SCFD1: variants seen among roughly 807,000 people sequenced by gnomAD.
The protein encoded by SCFD1 is sec1 family domain containing 1.
Under a neutral mutation model 103.2 loss-of-function variants are expected in SCFD1, and 37 were observed. The ratio of observed to expected loss-of-function variants is 0.36; its 90% CI spans 0.28 to 0.47. The LOEUF is 0.47. Among genes scored for constraint, SCFD1 ranks in the 20% least tolerant of loss-of-function variants. The pLI is 1.00. For missense variants in SCFD1, 639 were observed against 761.2 expected (o/e 0.84, Z 1.89); for synonymous variants, 264 against 245.0 (o/e 1.08, Z -0.73).
intron 6 of SCFD1, among the ~76,000 whole-genome samples, chr14:30,641,936 A>G (rs1328487800): frequency 6.6e-6 from 1 of 152,220 alleles, no homozygotes; most frequent in Non-Finnish European, 1.5e-5. Context: ...TTATTGATGT[A>G]CTTCATCAGA....
intron 2 of SCFD1, among the ~76,000 whole-genome samples, chr14:30,629,376 A>G (rs1042716951): frequency 4.6e-5 from 7 of 152,146 alleles, no homozygotes; most frequent in African/African-American, 9.7e-5. Context: ...TTCTTACTCC[A>G]TAAATAATTA....
chr14:30,698,465 C>CT (rs1890849373), intron 15 of SCFD1, among the ~76,000 whole-genome samples: 1 of 152,132 alleles, frequency 6.6e-6, no homozygotes, highest in African/African-American at 2.4e-5. Flanking sequence ...GGGAGCTGTT[C>CT]TTTCTTTAAG....
intron 14 of SCFD1, among the ~76,000 whole-genome samples, chr14:30,675,567 T>C (rs1888961014): frequency 6.6e-6 from 1 of 152,252 alleles, no homozygotes; most frequent in African/African-American, 2.4e-5. Context: ...TATATTGTTA[T>C]AGTTCTTTTT....
At chr14:30,712,648 A>C (rs1484059550) in intron 19 of SCFD1, among the ~76,000 whole-genome samples, 1 of 152,232 alleles carries the variant, frequency 6.6e-6, no homozygotes, top group Non-Finnish European at 1.5e-5. Flanking sequence ...GGATTTTTGG[A>C]AATAGATTTC....
intron 17 of SCFD1, 89 bp downstream of exon 17, chr14:30,702,464 A>G (rs1172641132): frequency 1.3e-6 from 1 of 748,580 alleles, no homozygotes; most frequent in East Asian, 2.7e-5. Flanking sequence ...CTAATAAGAA[A>G]ACTGAACAAT....
At chr14:30,659,370 A>T (rs1003546933) in intron 10 of SCFD1, among the ~76,000 whole-genome samples, 1 of 152,154 alleles carries the variant, frequency 6.6e-6, no homozygotes, top group African/African-American at 2.4e-5. Flanking sequence ...AGTCTTATAT[A>T]TTTTACATTT....
chr14:30,681,438 T>C (rs1889473078), intron 14 of SCFD1, among the ~76,000 whole-genome samples: 1 of 152,004 alleles, frequency 6.6e-6, no homozygotes, highest in Admixed American at 6.6e-5. Flanking sequence ...TTTATATAGA[T>C]CATTTTAGTC....
upstream of SCFD1, chr14:30,622,274 G>A: frequency 6.3e-7 from 1 of 1,583,486 alleles, no homozygotes; most frequent in Middle Eastern, 1.7e-4. Context: ...TTCCGGGGCG[G>A]TAAGGGCAGC....
intron 18 of SCFD1, chr14:30,707,776 G>A: frequency 1.6e-6 from 1 of 606,502 alleles, no homozygotes; most frequent in Non-Finnish European, 3.1e-6. Flanking sequence ...TGACTAATCA[G>A]AGTATTTTAA....
chr14:30,673,822 A>G lies in SCFD1; in HGVS notation c.1087-102A>G, dbSNP rs1036075528. ...AGGTGACTTAAAAATCTTACGGTATATCAATAATCTTAGGATATTTGCTCC... is the reference window on the plus strand; with the variant it reads ...AGGTGACTTAAAAATCTTACGGTATGTCAATAATCTTAGGATATTTGCTCC... On this transcript the variant is annotated intron_variant, in intron 12 of 24. Coordinates refer to ENST00000458591, the MANE Select transcript of SCFD1 (RefSeq NM_016106.4). 35 of 796,898 alleles carry G rather than the reference A, an allele frequency of 4.4e-5. No individual in the cohort carries two copies. The African/African-American group carries it at 5.8e-4, about 13-fold the overall frequency. 49.4% of individuals were successfully genotyped at this position (796,898 alleles called of 1,614,324 possible). A position where few individuals can be genotyped will look rare whatever the true frequency, so the allele number is the denominator to read the frequency against.
At chr14:30,667,028 A>C (rs937786521) in intron 10 of SCFD1, among the ~76,000 whole-genome samples, 5 of 152,222 alleles carry the variant, frequency 3.3e-5, no homozygotes, top group Non-Finnish European at 7.3e-5. Flanking sequence ...CAATAGAAGA[A>C]GAGGGAATCC....
intron 8 of SCFD1, among the ~76,000 whole-genome samples, chr14:30,649,860 C>G (rs1055357170): frequency 6.6e-6 from 1 of 152,090 alleles, no homozygotes; most frequent in African/African-American, 2.4e-5. Flanking sequence ...AACCTTGTCT[C>G]TCCAAGCAGT....
At chr14:30,670,649 T>G (rs1012093255) in intron 11 of SCFD1, among the ~76,000 whole-genome samples, 1 of 152,054 alleles carries the variant, frequency 6.6e-6, no homozygotes, top group Non-Finnish European at 1.5e-5. Flanking sequence ...ACAGATAGTC[T>G]TTTTCAATTT....
intron 12 of SCFD1, 57 bp downstream of exon 12, chr14:30,673,404 T>TCC: frequency 1.1e-6 from 1 of 923,694 alleles, no homozygotes; most frequent in Non-Finnish European, 1.6e-6. Flanking sequence ...ATCTGTTAGA[T>TCC]AAAGAGATTT....
Position 30,707,991 on chromosome 14 carries a change from C to T in SCFD1, c.1555C>T (p.Leu519Phe). 1.2e-6 allele frequency: 2 copies of T among 1,611,488 alleles called. No individual in the cohort carries two copies. The highest frequency in any genetic ancestry group is 1.7e-6 in the Non-Finnish European group (2 of 1,177,802). The change falls in exon 19 of 25, where the codon CTT becomes TTT. Residue 519 changes from leucine to phenylalanine, a missense_variant and splice_region_variant. Physicochemically the swap from Leu to Phe is conservative, Grantham distance 22. Transcript: ENST00000458591. ...YGSTTTKPMG[L>F]LSRVMNTGSQ... Reference sequence around the variant, plus strand: ...TCCTTCTCTTTTGCCCCTACCTAGTCTTTTATCACGAGTCATGAATACAGG... The same window carrying T: ...TCCTTCTCTTTTGCCCCTACCTAGTTTTTTATCACGAGTCATGAATACAGG...
intron 3 of SCFD1, among the ~76,000 whole-genome samples, chr14:30,633,194 T>C (rs1209011760): frequency 6.6e-6 from 1 of 152,172 alleles, no homozygotes; most frequent in African/African-American, 2.4e-5. Context: ...GTGGCAACAG[T>C]TATTAAACAC....
At chr14:30,641,353 T>C (rs1200769712) in intron 6 of SCFD1, among the ~76,000 whole-genome samples, 2 of 152,180 alleles carry the variant, frequency 1.3e-5, no homozygotes, top group Admixed American at 1.3e-4. Context: ...GCAACTGTTA[T>C]CTCAAGTTGA....
Position 30,649,582 on chromosome 14 carries a change from T to A in SCFD1, c.668T>A (p.Val223Glu). ...GGAACAGCAGCAGAAATGGTAGCAG[T>A]GGTAAGTTCATGCGGATATCACGTG... The part of the protein sequence containing the change: ...SRGTAAEMVA[V>E]KLDKKLRENL... Residue 223 changes from valine (V) to glutamate (E), a missense_variant and splice_region_variant, in exon 8 of 25, where the codon GTG becomes GAG. Coordinates refer to ENST00000458591, the MANE Select transcript of SCFD1 (RefSeq NM_016106.4). 5 of 1,569,196 alleles carry A rather than the reference T, an allele frequency of 3.2e-6. No individual in the cohort carries two copies. Among genetic ancestry groups the A allele is most frequent in the Non-Finnish European group, 4.3e-6 (5 of 1,164,596 alleles).
intron 19 of SCFD1, among the ~76,000 whole-genome samples, chr14:30,712,600 A>T (rs1415876538): frequency 6.6e-6 from 1 of 152,234 alleles, no homozygotes; most frequent in Non-Finnish European, 1.5e-5. Flanking sequence ...TCCGGTGACT[A>T]AAATCATAAA....
Sources: allele counts gnomAD v4.1 joint callset (sites outside exome capture counted in the v4.1 genomes callset), GRCh38; gene constraint gnomAD v4.1.1; transcripts MANE v1.5; gene names NCBI Gene and HGNC (gene_info 2026-07-23, HGNC 2026-07-21).